CD46: variants seen among roughly 807,000 people sequenced by gnomAD.
The protein encoded by CD46 is membrane cofactor protein.
Under a neutral mutation model 53.3 loss-of-function variants are expected in CD46, and 30 were observed. The ratio of observed to expected loss-of-function variants is 0.56; its 90% CI spans 0.42 to 0.76. The LOEUF is 0.76. Ranked by LOEUF, CD46 falls within the 30% of genes least tolerant of loss-of-function variation. The pLI is 0.00. For synonymous variants in CD46, 142 were observed against 152.0 expected (o/e 0.93, Z 0.48); for missense variants, 409 against 463.0 (o/e 0.88, Z 1.07).
intron 1 of CD46, among the ~76,000 whole-genome samples, chr1:207,755,956 G>A (rs928337088): frequency 6.6e-6 from 1 of 152,176 alleles, no homozygotes; most frequent in African/African-American, 2.4e-5. Context: ...TGGCCACATG[G>A]ATGAATGGAG....
intron 11 of CD46, 37 bp from the exon 12 acceptor site, chr1:207,790,216 A>G (rs770267168): frequency 6.7e-6 from 7 of 1,048,538 alleles, no homozygotes; most frequent in Non-Finnish European, 3.0e-6. Context: ...GTTTGAAGTC[A>G]CTATTTTATT....
intron 3 of CD46, among the ~76,000 whole-genome samples, chr1:207,759,173 AT>A (rs1655900620): frequency 1.3e-5 from 2 of 152,214 alleles, no homozygotes; most frequent in African/African-American, 4.8e-5. Context: ...ATGTACTGTT[AT>A]CCCCTTTTAA....
intron 1 of CD46, among the ~76,000 whole-genome samples, chr1:207,753,540 T>G (rs1033744745): frequency 6.6e-6 from 1 of 152,052 alleles, no homozygotes; most frequent in African/African-American, 2.4e-5. Context: ...GCATGGTGGT[T>G]TATGCCCGTG....
chr1:207,777,153 AG>A (rs1332550185), intron 8 of CD46, among the ~76,000 whole-genome samples: 4 of 152,116 alleles, frequency 2.6e-5, no homozygotes, highest in African/African-American at 9.7e-5. Flanking sequence ...TACTGGATAT[AG>A]ATTACTTTTT....
rs766600746 is a variant in CD46 at position 207,757,026 on chromosome 1, A to G, written c.110A>G (p.Glu37Gly). 10 of 1,613,822 alleles carry G rather than the reference A, an allele frequency of 6.2e-6. No individual in the cohort carries two copies. Among genetic ancestry groups the G allele is most frequent in the Non-Finnish European group, 8.5e-6 (10 of 1,179,748 alleles). The change falls in exon 2 of 13, where the codon GAG (glutamate) becomes GGG (glycine). Residue 37 changes from glutamate to glycine, a missense_variant. Glu to Gly is a moderately conservative substitution (Grantham distance 98). Coordinates refer to ENST00000367042, the MANE Select transcript of CD46 (RefSeq NM_172351.3). ...CTCTTATCCCTAGATGCCTGTGAGG[A>G]GCCACCAACATTTGAAGCTATGGAG... ...LLYSFSDACE[E>G]PPTFEAMELI... is the part of the protein sequence containing the mutation.
intron 1 of CD46, among the ~76,000 whole-genome samples, chr1:207,756,525 T>G (rs1558043416): frequency 6.6e-6 from 1 of 152,104 alleles, no homozygotes. Context: ...ACCCACAAGG[T>G]GAGTATAGTA....
At chr1:207,786,078 T>G (rs1659247345) in intron 11 of CD46, 1 of 184,782 alleles carries the variant, frequency 5.4e-6, no homozygotes, top group Non-Finnish European at 1.1e-5. Context: ...TTGTATTCAC[T>G]GGAATTTTTA....
chr1:207,784,271 T>C (rs1659065281), intron 9 of CD46, among the ~76,000 whole-genome samples: 1 of 152,178 alleles, frequency 6.6e-6, no homozygotes, highest in South Asian at 2.1e-4. Flanking sequence ...TATTTATGAC[T>C]CACTCTACAG....
chr1:207,781,772 A>T (rs1018546130), intron 8 of CD46, among the ~76,000 whole-genome samples: 1 of 152,060 alleles, frequency 6.6e-6, no homozygotes, highest in Non-Finnish European at 1.5e-5. Flanking sequence ...GTTCTATTCC[A>T]TTGGTCTGTA....
Position 207,779,913 on chromosome 1 carries a change from C to CTTT in CD46, c.944-3362_944-3360dup, listed in dbSNP as rs66758503. Among the ~76,000 whole-genome samples the CTTT allele has an allele frequency of 9.5e-4, 59 of 62,396 alleles. 8 individuals carry two copies. Among genetic ancestry groups the CTTT allele is most frequent in the Admixed American group, 1.7e-3 (10 of 5,902 alleles). 40.9% of individuals were successfully genotyped at this position (62,396 alleles called of 152,430 possible). Reference sequence around the variant, plus strand: ...TTCTATTCTTGTAGCAAAAGCAAGTCTTTTTTTTTTTTTTTTTTTACTGTA... The same window carrying CTTT: ...TTCTATTCTTGTAGCAAAAGCAAGTCTTTTTTTTTTTTTTTTTTTTTTACTGTA... On this transcript the variant is annotated intron_variant, in intron 8 of 12. Coordinates refer to ENST00000367042, the MANE Select transcript of CD46 (RefSeq NM_172351.3).
chr1:207,752,061 G>C lies in CD46; in HGVS notation c.-152G>C, dbSNP rs1164839060. On this transcript the variant is annotated 5_prime_UTR_variant, in exon 1 of 13. Transcript: ENST00000367042. The surrounding 1 kb of genome is among the most constrained non-coding windows in gnomAD (Gnocchi z 4.1). ...CGCACTTCCGCCCCGGGCGCGGCTC[G>C]GGCCACGCCCACCTGTCCTGCAGCA... The C allele has an allele frequency of 2.4e-6, 2 of 821,970 alleles. No individual in the cohort carries two copies. The highest frequency in any genetic ancestry group is 2.1e-6 in the Non-Finnish European group (1 of 486,980). 50.9% of individuals were successfully genotyped at this position (821,970 alleles called of 1,614,324 possible).
At chr1:207,783,210 A>G in intron 8 of CD46, 82 bp from the exon 9 acceptor site, 4 of 749,266 alleles carry the variant, frequency 5.3e-6, no homozygotes, top group East Asian at 2.8e-5. Context: ...AAATCACCCT[A>G]TGAGTTTAAA....
rs1650109251 is a variant in CD46 at position 207,766,997 on chromosome 1, T to G, written c.674-16T>G. On this transcript the variant is annotated splice_polypyrimidine_tract_variant and intron_variant, in intron 5 of 12. Transcript: ENST00000367042. ...AGCAGATATCCATTAATTCTGAGGT[T>G]TCTCTAATTTTCCAGTGGTCAAATG... The G allele has an allele frequency of 6.2e-7, 1 of 1,607,326 alleles. No homozygotes were observed. Among genetic ancestry groups the G allele is most frequent in the African/African-American group, 1.3e-5 (1 of 74,822 alleles).
chr1:207,772,458 G>C (rs1162178281), intron 8 of CD46, among the ~76,000 whole-genome samples: 1 of 152,186 alleles, frequency 6.6e-6, no homozygotes, highest in African/African-American at 2.4e-5. Context: ...AGTGGTGAGA[G>C]AGGGCATCCT....
At chr1:207,768,007 T>C in intron 7 of CD46, 184 bp downstream of exon 7, 1 of 600,612 alleles carries the variant, frequency 1.7e-6, no homozygotes. Flanking sequence ...TAATCTGATA[T>C]AAACAGGAAT....
chr1:207,795,090 C>T lies in CD46; in HGVS notation c.*1613C>T, dbSNP rs908893859. 2 of 152,132 alleles carry T rather than the reference C, an allele frequency of 1.3e-5. No individual in the cohort carries two copies. Among genetic ancestry groups the T allele is most frequent in the African/African-American group, 2.4e-5 (1 of 41,432 alleles). 9.4% of individuals were successfully genotyped at this position (152,132 alleles called of 1,614,324 possible). On this transcript the variant is annotated 3_prime_UTR_variant, in exon 13 of 13. Coordinates refer to ENST00000367042, the MANE Select transcript of CD46 (RefSeq NM_172351.3). ...TAAGCACAGAGTTGAAGTTTATACC[C>T]GTTTCACATGCTTTTCAAGAATGTC...
In CD46 at chr1:207,753,690, A is replaced by C. The variant is rs74553492; in HGVS notation, c.97+1381A>C. 6.7e-3 allele frequency among the ~76,000 whole-genome samples: 1,007 copies of C among 151,262 alleles called. 2 individuals carry two copies. The highest frequency in any genetic ancestry group is 0.014 in the Middle Eastern group (4 of 294). Reference sequence around the variant, plus strand: ...TGTCAAAACAAAACAAACAAACAAAAAAAAAACCCGCTAAGAAATACATGC... The same window carrying C: ...TGTCAAAACAAAACAAACAAACAAACAAAAAACCCGCTAAGAAATACATGC... On this transcript the variant is annotated intron_variant, in intron 1 of 12. Transcript: ENST00000367042.
chr1:207,770,817 G>A (rs906260484), intron 8 of CD46, among the ~76,000 whole-genome samples: 1 of 152,182 alleles, frequency 6.6e-6, no homozygotes, highest in African/African-American at 2.4e-5. Flanking sequence ...GGACATTCGG[G>A]TTGGTTCCAA....
chr1:207,765,980 T>C (rs1558055356), intron 5 of CD46, among the ~76,000 whole-genome samples: 1 of 152,186 alleles, frequency 6.6e-6, no homozygotes, highest in African/African-American at 2.4e-5. Context: ...TAAAAAGGAA[T>C]GAACTGATTC....
Sources: allele counts gnomAD v4.1 joint callset (sites outside exome capture counted in the v4.1 genomes callset), GRCh38; gene constraint gnomAD v4.1.1; non-coding constraint Gnocchi (gnomAD v3.1); transcripts MANE v1.5; gene names NCBI Gene and HGNC (gene_info 2026-07-23, HGNC 2026-07-21).